CENPU: variants seen among roughly 807,000 people sequenced by gnomAD.
CENPU encodes KSHV latent nuclear antigen interacting protein 1.
CENPU carries 46 observed loss-of-function variants against 56.7 expected under a neutral mutation model. The observed-to-expected ratio is 0.81, with a 90% CI of 0.64 to 1.04. The LOEUF (loss-of-function observed/expected upper bound fraction) is 1.04. Among genes scored for constraint, CENPU ranks in the 50% least tolerant of loss-of-function variants. The pLI is 0.00. For missense variants in CENPU, 510 were observed against 490.1 expected (o/e 1.04, Z -0.38); for synonymous variants, 166 against 163.0 (o/e 1.02, Z -0.14).
intron 11 of CENPU, chr4:184,698,372 G>C (rs1359155261): frequency 6.6e-6 from 1 of 151,830 alleles, no homozygotes; most frequent in Non-Finnish European, 1.5e-5. Context: ...AAAAATGAGG[G>C]GCAAAGGCGG....
chr4:184,730,960 C>T lies in CENPU; in HGVS notation c.56G>A (p.Arg19His), dbSNP rs766591368. 12 of 1,576,624 alleles carry T rather than the reference C, an allele frequency of 7.6e-6. No homozygotes were observed. The highest frequency in any genetic ancestry group is 1.7e-4 in the Middle Eastern group (1 of 5,978). Residue 19 changes from arginine (R) to histidine (H), a missense_variant, in exon 2 of 13, where the codon CGT (arginine) becomes CAT (histidine). Arg to His is a conservative substitution (Grantham distance 29, BLOSUM62 0). Coordinates refer to ENST00000281453, the MANE Select transcript of CENPU (RefSeq NM_024629.4). ...PRPHRSEGARRSKNTLERTHS... is the reference protein window; with the variant it reads ...PRPHRSEGARHSKNTLERTHS... ...TGTTCTTTCTAAAGTGTTCTTTGAA[C>T]GTCTTGCGCTATTAAACAGCAAAAA...
chr4:184,718,574 T>C (rs35377170), intron 4 of CENPU, among the ~76,000 whole-genome samples: 27,043 of 151,972 alleles, frequency 0.18, 2,677 homozygotes, highest in African/African-American at 0.26. Flanking sequence ...AGAGCTGGCA[T>C]AAGGGACAAG....
intron 12 of CENPU, among the ~76,000 whole-genome samples, chr4:184,695,789 AAGAC>A (rs1422257506): frequency 6.6e-6 from 1 of 152,184 alleles, no homozygotes; most frequent in Non-Finnish European, 1.5e-5. Flanking sequence ...AGAAAACTGT[AAGAC>A]AGGTTTTACT....
Position 184,712,408 on chromosome 4 carries a change from C to A in CENPU, c.688+536G>T, listed in dbSNP as rs145086990. On this transcript the variant is annotated intron_variant, in intron 7 of 12. Transcript: ENST00000281453. ...AGAAAAAGCATCCCTGAAGCCACTG[C>A]CTCTGGAGATAATGGGGTGGGGACT... is the stretch of plus-strand genomic sequence containing the variant. 4.6e-5 allele frequency among the ~76,000 whole-genome samples: 7 copies of A among 152,260 alleles called. No individual in the cohort carries two copies. In the East Asian group the frequency reaches 1.4e-3, roughly 29 times the overall value.
At chr4:184,700,374 A>G (rs1349276672) in intron 11 of CENPU, among the ~76,000 whole-genome samples, 1 of 152,226 alleles carries the variant, frequency 6.6e-6, no homozygotes, top group Non-Finnish European at 1.5e-5. Flanking sequence ...ATATGTACTT[A>G]TTTAATTTCC....
chr4:184,719,564 G>A (rs900513668), intron 4 of CENPU, among the ~76,000 whole-genome samples: 14 of 152,154 alleles, frequency 9.2e-5, no homozygotes, highest in African/African-American at 2.7e-4. Flanking sequence ...TGAGCCTGAC[G>A]GGCAGTCTAG....
At chr4:184,709,293 C>T (rs539086781) in intron 8 of CENPU, among the ~76,000 whole-genome samples, 1 of 152,058 alleles carries the variant, frequency 6.6e-6, no homozygotes, top group Non-Finnish European at 1.5e-5. Context: ...TCGAGACCAT[C>T]CTGGCCAACA....
chr4:184,715,272 T>G (rs557133074), intron 6 of CENPU, among the ~76,000 whole-genome samples: 1 of 152,320 alleles, frequency 6.6e-6, no homozygotes. Flanking sequence ...TATTAAGAAC[T>G]TGACCAAAAG....
At chr4:184,719,845 C>T (rs2150222322) in intron 4 of CENPU, among the ~76,000 whole-genome samples, 1 of 152,258 alleles carries the variant, frequency 6.6e-6, no homozygotes, top group Admixed American at 6.5e-5. Context: ...TCATGAGACC[C>T]CCTAATGCAG....
intron 4 of CENPU, among the ~76,000 whole-genome samples, chr4:184,718,064 T>C (rs1162186603): frequency 2.0e-5 from 3 of 152,188 alleles, no homozygotes; most frequent in Admixed American, 1.3e-4. Flanking sequence ...CACATAGGCA[T>C]GCTGCATGGA....
chr4:184,705,648 T>C (rs1472529270), intron 8 of CENPU, among the ~76,000 whole-genome samples: 1 of 152,204 alleles, frequency 6.6e-6, no homozygotes, highest in Non-Finnish European at 1.5e-5. Flanking sequence ...GGTATTTCTA[T>C]ACATCCATGT....
At chr4:184,732,626 A>C (rs867261477) in intron 1 of CENPU, among the ~76,000 whole-genome samples, 2 of 130,518 alleles carry the variant, frequency 1.5e-5, no homozygotes, top group Non-Finnish European at 3.5e-5. Context: ...CTTGGGGGGG[A>C]AAAAAAGTCA....
intron 4 of CENPU, among the ~76,000 whole-genome samples, chr4:184,723,215 A>G (rs1761336513): frequency 6.6e-6 from 1 of 152,192 alleles, no homozygotes; most frequent in Non-Finnish European, 1.5e-5. Context: ...GATCTCTAAG[A>G]TGTAGTAAGT....
At chr4:184,729,176 C>A in intron 2 of CENPU, 141 bp from the exon 3 acceptor site, 1 of 633,976 alleles carries the variant, frequency 1.6e-6, no homozygotes, top group East Asian at 2.7e-5. Context: ...ACTACCTACC[C>A]TGATTGGGTC....
At chr4:184,724,915 C>A (rs1394779008) in intron 4 of CENPU, 42 bp downstream of exon 4, 8 of 1,271,106 alleles carry the variant, frequency 6.3e-6, no homozygotes, top group Non-Finnish European at 9.0e-6. Flanking sequence ...CTCAGAAATC[C>A]CATTAACCAT....
At chr4:184,722,854 T>A (rs1761326984) in intron 4 of CENPU, among the ~76,000 whole-genome samples, 1 of 152,238 alleles carries the variant, frequency 6.6e-6, no homozygotes, top group Admixed American at 6.5e-5. Flanking sequence ...TTTAAATGAT[T>A]GCTGCTCAAT....
chr4:184,696,636 C>T (rs1192945767), intron 12 of CENPU, among the ~76,000 whole-genome samples: 1 of 151,690 alleles, frequency 6.6e-6, no homozygotes, highest in Non-Finnish European at 1.5e-5. Context: ...AAAACCTTAA[C>T]ATTGAATTTA....
chr4:184,730,131 C>T (rs1470439798), intron 2 of CENPU, among the ~76,000 whole-genome samples: 2 of 152,186 alleles, frequency 1.3e-5, no homozygotes, highest in African/African-American at 4.8e-5. Context: ...CCATTCCAGG[C>T]ACTCTGGGCT....
At chr4:184,704,087 T>C (rs1285510808) in intron 8 of CENPU, among the ~76,000 whole-genome samples, 1 of 97,766 alleles carries the variant, frequency 1.0e-5, no homozygotes, top group Non-Finnish European at 2.2e-5. Context: ...ATACTTCATC[T>C]TTTTTTTTTT....
Sources: allele counts gnomAD v4.1 joint callset (sites outside exome capture counted in the v4.1 genomes callset), GRCh38; gene constraint gnomAD v4.1.1; transcripts MANE v1.5; gene names NCBI Gene and HGNC (gene_info 2026-07-23, HGNC 2026-07-21).